BBS9: variants seen among roughly 807,000 people sequenced by gnomAD.
BBS9 encodes the protein protein PTHB1.
In BBS9, 89 loss-of-function variants were observed where a neutral mutation model predicts 117.7. The observed-to-expected ratio is 0.76, with a 90% CI of 0.64 to 0.90. The LOEUF (loss-of-function observed/expected upper bound fraction) is 0.90. Among genes scored for constraint, BBS9 ranks in the 40% least tolerant of loss-of-function variants. BBS9 has a pLI of 0.00. For missense variants in BBS9, 982 were observed against 1,042.2 expected (o/e 0.94, Z 0.80); for synonymous variants, 379 against 370.9 (o/e 1.02, Z -0.25).
intron 19 of BBS9, among the ~76,000 whole-genome samples, chr7:33,502,411 C>G (rs1382097599): frequency 3.3e-5 from 5 of 152,040 alleles, no homozygotes; most frequent in African/African-American, 9.7e-5. Context: ...AAATGTAAAC[C>G]GTAGCCCATT....
At chr7:33,589,452 G>T (rs548301154) in intron 21 of BBS9, among the ~76,000 whole-genome samples, 1 of 152,246 alleles carries the variant, frequency 6.6e-6, no homozygotes, top group Non-Finnish European at 1.5e-5. Flanking sequence ...CAAAACTGCA[G>T]ATTACTGTAA....
chr7:33,606,303 A>G (rs1013260356), downstream of BBS9, among the ~76,000 whole-genome samples: 2 of 152,200 alleles, frequency 1.3e-5, no homozygotes, highest in Non-Finnish European at 2.9e-5. Context: ...AAGTAAACCT[A>G]TCAGTGAAAT....
intron 20 of BBS9, among the ~76,000 whole-genome samples, chr7:33,527,592 C>T (rs888681912): frequency 6.6e-6 from 1 of 152,210 alleles, no homozygotes; most frequent in Non-Finnish European, 1.5e-5. Context: ...GGCAATGCCT[C>T]GCCCTGCTTC....
intron 10 of BBS9, among the ~76,000 whole-genome samples, chr7:33,337,872 C>CT (rs1486526218): frequency 1.2e-4 from 19 of 152,064 alleles, no homozygotes; most frequent in Admixed American, 1.2e-3. Context: ...AATAATATGG[C>CT]TTTCATTTCA....
intron 21 of BBS9, among the ~76,000 whole-genome samples, chr7:33,582,275 A>G (rs928488037): frequency 6.6e-6 from 1 of 152,080 alleles, no homozygotes; most frequent in Non-Finnish European, 1.5e-5. Context: ...AACTGTATGC[A>G]TGCAAAAAGG....
chr7:33,247,021 A>C (rs1218789607), intron 5 of BBS9, among the ~76,000 whole-genome samples: 1 of 151,974 alleles, frequency 6.6e-6, no homozygotes, highest in Non-Finnish European at 1.5e-5. Context: ...CATATTTTTT[A>C]AAGTCTTAAA....
chr7:33,411,673 T>C (rs936877163), intron 19 of BBS9, among the ~76,000 whole-genome samples: 15 of 152,260 alleles, frequency 9.9e-5, no homozygotes, highest in South Asian at 2.1e-4. Flanking sequence ...TTATTCAGTC[T>C]ACAAATGTTC....
At chr7:33,316,992 T>C (rs1432036918) in intron 9 of BBS9, among the ~76,000 whole-genome samples, 1 of 152,244 alleles carries the variant, frequency 6.6e-6, no homozygotes, top group African/African-American at 2.4e-5. Flanking sequence ...GAGAGCTTTA[T>C]AAGTTTAGCT....
intron 5 of BBS9, among the ~76,000 whole-genome samples, chr7:33,219,964 C>T (rs1302520649): frequency 6.6e-6 from 1 of 152,146 alleles, no homozygotes; most frequent in Non-Finnish European, 1.5e-5. Flanking sequence ...CTAGCGAGAC[C>T]ATGAACCCAC....
At chr7:33,176,704 A>G (rs1797377491) in intron 4 of BBS9, among the ~76,000 whole-genome samples, 1 of 152,162 alleles carries the variant, frequency 6.6e-6, no homozygotes, top group African/African-American at 2.4e-5. Context: ...CTTTATGATA[A>G]TTTAAAATTT....
chr7:33,446,056 C>A (rs958286865), intron 19 of BBS9, among the ~76,000 whole-genome samples: 3 of 152,104 alleles, frequency 2.0e-5, no homozygotes, highest in Non-Finnish European at 4.4e-5. Context: ...ATTGTATTAT[C>A]ATTCTTTCAA....
intron 19 of BBS9, chr7:33,390,386 T>G: frequency 1.0e-6 from 1 of 985,426 alleles, no homozygotes; most frequent in Non-Finnish European, 1.2e-6. Context: ...GTTGAGGTTT[T>G]CCATGATTTG....
intron 19 of BBS9, among the ~76,000 whole-genome samples, chr7:33,432,216 C>G (rs1003156487): frequency 7.3e-5 from 11 of 150,946 alleles, no homozygotes; most frequent in Non-Finnish European, 1.3e-4. Context: ...TCACGCCGTT[C>G]TCTTGCCTCA....
At chr7:33,365,737 G>T (rs553956301) in intron 16 of BBS9, among the ~76,000 whole-genome samples, 1 of 152,216 alleles carries the variant, frequency 6.6e-6, no homozygotes, top group Non-Finnish European at 1.5e-5. Context: ...AGTGCCTGGG[G>T]CACAGGAACC....
intron 5 of BBS9, among the ~76,000 whole-genome samples, chr7:33,222,131 T>C (rs1263803474): frequency 1.3e-5 from 2 of 152,218 alleles, no homozygotes; most frequent in Non-Finnish European, 2.9e-5. Context: ...TCTATGAAAC[T>C]TTTAAATTTC....
chr7:33,325,656 G>T (rs188998029), intron 9 of BBS9, among the ~76,000 whole-genome samples: 1 of 152,168 alleles, frequency 6.6e-6, no homozygotes, highest in Admixed American at 6.5e-5. Context: ...GGGGGACTTG[G>T]GTGTTACAAT....
At chr7:33,508,241 A>G (rs1265855157) in intron 20 of BBS9, among the ~76,000 whole-genome samples, 1 of 152,372 alleles carries the variant, frequency 6.6e-6, no homozygotes, top group East Asian at 1.9e-4. Flanking sequence ...AAAAGGAACT[A>G]TGTATCACTC....
intron 21 of BBS9, among the ~76,000 whole-genome samples, chr7:33,617,088 A>AAT (rs1370840106): frequency 2.0e-5 from 3 of 152,018 alleles, no homozygotes; most frequent in Non-Finnish European, 2.9e-5. Flanking sequence ...TGTATATATA[A>AAT]ATATACTATA....
chr7:33,132,201 C>T (rs1202161863), intron 1 of BBS9, among the ~76,000 whole-genome samples: 2 of 152,190 alleles, frequency 1.3e-5, no homozygotes, highest in African/African-American at 2.4e-5. Flanking sequence ...GGGGCGTGTG[C>T]ATAGGCCGTT....
Sources: allele counts gnomAD v4.1 joint callset (sites outside exome capture counted in the v4.1 genomes callset), GRCh38; gene constraint gnomAD v4.1.1; transcripts MANE v1.5; gene names NCBI Gene and HGNC (gene_info 2026-07-23, HGNC 2026-07-21).